Variants in N4BP2 observed in about 807,000 individuals in gnomAD.
The protein encoded by N4BP2 is NEDD4-binding protein 2.
A neutral mutation model predicts 152.8 loss-of-function variants in N4BP2; 91 were observed. The observed-to-expected ratio is 0.60, with a 90% CI of 0.50 to 0.71. The LOEUF (loss-of-function observed/expected upper bound fraction) is 0.71, where lower values mean the gene tolerates loss of function less well. Among genes scored for constraint, N4BP2 ranks in the 30% least tolerant of loss-of-function variants. N4BP2 has a pLI of 0.00. For missense variants in N4BP2, 1,923 were observed against 2,059.1 expected (o/e 0.93, Z 1.28); for synonymous variants, 646 against 705.3 (o/e 0.92, Z 1.33).
chr4:40,185,114 G>A, the N4BP2 span, among the ~76,000 whole-genome samples: 13 of 151,452 alleles, frequency 8.6e-5, no homozygotes, highest in East Asian at 1.9e-4. Flanking sequence ...CCTTCCATTC[G>A]ACGTGTGCCT....
the N4BP2 span, among the ~76,000 whole-genome samples, chr4:40,187,534 G>C: frequency 6.6e-6 from 1 of 151,928 alleles, no homozygotes; most frequent in Non-Finnish European, 1.5e-5. Flanking sequence ...TGCCCAGGCT[G>C]GTCTCAAACT....
At chr4:40,174,517 T>C in the N4BP2 span, among the ~76,000 whole-genome samples, 1 of 151,842 alleles carries the variant, frequency 6.6e-6, no homozygotes, top group Non-Finnish European at 1.5e-5. Context: ...TTAAAAAAAC[T>C]GCTGGCCAGG....
chr4:40,068,451 T>C (rs1206277783), intron 1 of N4BP2, among the ~76,000 whole-genome samples: 1 of 152,208 alleles, frequency 6.6e-6, no homozygotes, highest in Admixed American at 6.5e-5. Context: ...TTTAAGGTCT[T>C]AGATTTAGGT....
chr4:40,179,072 T>C, the N4BP2 span, among the ~76,000 whole-genome samples: 1 of 152,098 alleles, frequency 6.6e-6, no homozygotes, highest in African/African-American at 2.4e-5. Context: ...CTAGTAGATA[T>C]TAAAACGTTT....
intron 2 of N4BP2, among the ~76,000 whole-genome samples, chr4:40,077,389 C>G (rs1279259350): frequency 6.6e-6 from 1 of 151,346 alleles, no homozygotes; most frequent in Non-Finnish European, 1.5e-5. Flanking sequence ...CTCAAGTGAT[C>G]TGCCTGCCTC....
chr4:40,067,054 CTTTTTT>C (rs34768159), intron 1 of N4BP2, among the ~76,000 whole-genome samples: 1 of 91,612 alleles, frequency 1.1e-5, no homozygotes, highest in African/African-American at 4.2e-5. Context: ...ACCTAATTTC[CTTTTTT>C]TTTTTTTTTT....
At chr4:40,145,695 T>C (rs1306640299) in intron 16 of N4BP2, among the ~76,000 whole-genome samples, 1 of 152,222 alleles carries the variant, frequency 6.6e-6, no homozygotes, top group Non-Finnish European at 1.5e-5. Flanking sequence ...TAATAGTGTT[T>C]TACTCAATAA....
chr4:40,172,895 TAAAC>T, the N4BP2 span, among the ~76,000 whole-genome samples: 1 of 152,350 alleles, frequency 6.6e-6, no homozygotes, highest in East Asian at 1.9e-4. Flanking sequence ...GTTTGTTAAA[TAAAC>T]AAAGGAATGG....
intron 5 of N4BP2, among the ~76,000 whole-genome samples, chr4:40,107,780 G>T (rs776776355): frequency 6.6e-6 from 1 of 152,100 alleles, no homozygotes; most frequent in African/African-American, 2.4e-5. Flanking sequence ...GTGGTTATAA[G>T]GATTCAAAGA....
chr4:40,085,730 G>T (rs2109928446), intron 2 of N4BP2, among the ~76,000 whole-genome samples: 1 of 152,324 alleles, frequency 6.6e-6, no homozygotes, highest in Middle Eastern at 3.4e-3. Context: ...CTCGAGAGTG[G>T]CAGTGTCCTC....
chr4:40,120,346 TC>T lies in N4BP2; in HGVS notation c.2236del (p.Gln746LysfsTer10), dbSNP rs752581678. 1 of 1,612,636 alleles carries T rather than the reference TC, an allele frequency of 6.2e-7. No homozygotes were observed. Among genetic ancestry groups the T allele is most frequent in the Non-Finnish European group, 8.5e-7 (1 of 1,179,676 alleles). ...DCDLANSGPL[Q>X]NEKSSPGEIV... is the part of the protein sequence containing the mutation. ...GTGATCTTGCAAATAGTGGACCACTTCAAAATGAAAAATCCTCACCTGGTGA... is the reference window on the plus strand; with the variant it reads ...GTGATCTTGCAAATAGTGGACCACTTAAAATGAAAAATCCTCACCTGGTGA... On this transcript the variant is annotated frameshift_variant, in exon 9 of 18. Coordinates refer to ENST00000261435, the MANE Select transcript of N4BP2 (RefSeq NM_018177.6). LOFTEE classifies it high-confidence loss of function.
chr4:40,107,023 T>C lies in N4BP2; in HGVS notation c.1497T>C (p.Arg499=). The change falls in exon 5 of 18, where the codon CGT becomes CGC. Residue 499 remains arginine, a splice_region_variant and synonymous_variant. Transcript: ENST00000261435. ...LGEAHEWNQN[R]AKEAFEKKIS... ...AAGCACATGAATGGAACCAGAATCG[T>C]GGTAAGAACAGATAATCAGATTCTG... 1.2e-6 allele frequency: 2 copies of C among 1,612,754 alleles called. No homozygotes were observed. Among genetic ancestry groups the C allele is most frequent in the East Asian group, 4.5e-5 (2 of 44,834 alleles).
chr4:40,059,321 T>TAC (rs1733474246), intron 1 of N4BP2, among the ~76,000 whole-genome samples: 1 of 151,760 alleles, frequency 6.6e-6, no homozygotes, highest in Non-Finnish European at 1.5e-5. Flanking sequence ...GAAGAATCAG[T>TAC]TGTCTATTAA....
chr4:40,095,229 T>C (rs1435777190), intron 2 of N4BP2, among the ~76,000 whole-genome samples: 1 of 152,082 alleles, frequency 6.6e-6, no homozygotes, highest in Non-Finnish European at 1.5e-5. Flanking sequence ...TACAGGCCCA[T>C]GCCACCACGC....
intron 14 of N4BP2, among the ~76,000 whole-genome samples, chr4:40,139,818 ATTTT>A (rs1416299298): frequency 3.6e-3 from 354 of 97,098 alleles, no homozygotes; most frequent in Non-Finnish European, 5.4e-3. Flanking sequence ...TTTTTTTTAC[ATTTT>A]TTTTTCTTTT....
chr4:40,157,078 C>G lies in N4BP2; in HGVS notation c.*2841C>G, dbSNP rs566325249. 2 of 152,196 alleles carry G rather than the reference C, an allele frequency of 1.3e-5. No individual in the cohort carries two copies. Among genetic ancestry groups the G allele is most frequent in the African/African-American group, 2.4e-5 (1 of 41,542 alleles). 9.4% of individuals were successfully genotyped at this position (152,196 alleles called of 1,614,324 possible). A position where few individuals can be genotyped will look rare whatever the true frequency, so the allele number is the denominator to read the frequency against. ...TCATTCAGTAGTCTCTTACCATTAT[C>G]TCCCAGATGGAAAAAGAGGACTAAT... On this transcript the variant is annotated 3_prime_UTR_variant, in exon 18 of 18. Coordinates refer to ENST00000261435, the MANE Select transcript of N4BP2 (RefSeq NM_018177.6).
At chr4:40,133,744 T>C (rs1211669074) in intron 13 of N4BP2, among the ~76,000 whole-genome samples, 3 of 152,236 alleles carry the variant, frequency 2.0e-5, no homozygotes, top group African/African-American at 7.2e-5. Flanking sequence ...TGGAAAGATC[T>C]GAAATCTCAG....
At chr4:40,110,078 G>A (rs914513282) in intron 5 of N4BP2, among the ~76,000 whole-genome samples, 219 of 152,270 alleles carry the variant, frequency 1.4e-3, no homozygotes, top group African/African-American at 5.0e-3. Flanking sequence ...CCTACAACAT[G>A]TGGACTTTTG....
the N4BP2 span, among the ~76,000 whole-genome samples, chr4:40,179,825 A>C: frequency 3.1e-5 from 4 of 128,300 alleles, no homozygotes; most frequent in African/African-American, 1.2e-4. Flanking sequence ...AGTGCAGTGG[A>C]GTGATCTTGG....
Sources: allele counts gnomAD v4.1 joint callset (sites outside exome capture counted in the v4.1 genomes callset), GRCh38; gene constraint gnomAD v4.1.1; transcripts MANE v1.5; gene names NCBI Gene and HGNC (gene_info 2026-07-23, HGNC 2026-07-21).